The following RARB variants were observed in gnomAD, a reference collection of about 807,000 sequenced individuals.
The protein encoded by RARB is HBV-activated protein.
A neutral mutation model predicts 51.9 loss-of-function variants in RARB; 17 were observed. That is an observed-to-expected ratio of 0.33 (90% confidence interval 0.22 to 0.49). The LOEUF (loss-of-function observed/expected upper bound fraction) is 0.49, where lower values mean the gene tolerates loss of function less well. Ranked by LOEUF, RARB falls within the 20% of genes least tolerant of loss-of-function variation. RARB has a pLI of 0.99. For synonymous variants in RARB, 215 were observed against 195.4 expected (o/e 1.10, Z -0.84); for missense variants, 369 against 550.8 (o/e 0.67, Z 3.30).
In RARB at chr3:24,937,061, T is replaced by A. The variant is rs182707815; in HGVS notation, c.-380+78309T>A. 2.0e-5 allele frequency among the ~76,000 whole-genome samples: 3 copies of A among 152,318 alleles called. No homozygotes were observed. In the East Asian group the frequency reaches 5.8e-4, roughly 29 times the overall value. Reference sequence around the variant, plus strand: ...TTTGTGACTATTGTCTGTAAAAGAATGTAACATTCATCTTTTTGTGTAATT... The same window carrying A: ...TTTGTGACTATTGTCTGTAAAAGAAAGTAACATTCATCTTTTTGTGTAATT... On this transcript the variant is annotated intron_variant, in intron 2 of 11. Transcript: ENST00000383772.
chr3:25,227,735 A>T (rs1177831827), intron 5 of RARB, among the ~76,000 whole-genome samples: 1 of 152,144 alleles, frequency 6.6e-6, no homozygotes, highest in Non-Finnish European at 1.5e-5. Context: ...AGTCTCTGCT[A>T]TATTTACATG....
intron 5 of RARB, among the ~76,000 whole-genome samples, chr3:25,238,153 C>A (rs1016726281): frequency 2.3e-4 from 35 of 152,022 alleles, no homozygotes; most frequent in African/African-American, 7.0e-4. Context: ...CTCCAGCGCC[C>A]CCCCACACAT....
At chr3:25,055,875 C>T (rs1054078401) in intron 2 of RARB, among the ~76,000 whole-genome samples, 1 of 152,074 alleles carries the variant, frequency 6.6e-6, no homozygotes, top group African/African-American at 2.4e-5. Flanking sequence ...AGTGAAAGTA[C>T]ATGGGGAGCT....
At chr3:25,045,158 A>C (rs1698187723) in intron 2 of RARB, among the ~76,000 whole-genome samples, 1 of 152,204 alleles carries the variant, frequency 6.6e-6, no homozygotes, top group South Asian at 2.1e-4. Context: ...TGGAATAGCA[A>C]AAGTACAGTG....
chr3:25,227,042 C>T (rs1444264333), intron 5 of RARB, among the ~76,000 whole-genome samples: 1 of 152,200 alleles, frequency 6.6e-6, no homozygotes, highest in Non-Finnish European at 1.5e-5. Flanking sequence ...GAGTTGTAGT[C>T]CACTATTCCA....
At chr3:24,935,888 C>A (rs1320273792) in intron 2 of RARB, among the ~76,000 whole-genome samples, 3 of 152,104 alleles carry the variant, frequency 2.0e-5, no homozygotes, top group Non-Finnish European at 1.5e-5. Context: ...ATTGTTTCTA[C>A]TCATTTTTAA....
chr3:25,251,616 G>A (rs1434241757), intron 5 of RARB, among the ~76,000 whole-genome samples: 1 of 152,120 alleles, frequency 6.6e-6, no homozygotes, highest in East Asian at 1.9e-4. Flanking sequence ...GACTAATGAT[G>A]TTGGACAGGT....
chr3:25,268,920 G>C (rs1328056497), intron 5 of RARB, among the ~76,000 whole-genome samples: 1 of 152,084 alleles, frequency 6.6e-6, no homozygotes, highest in East Asian at 1.9e-4. Flanking sequence ...TAACCCATTA[G>C]AGCAGAGATT....
intron 5 of RARB, among the ~76,000 whole-genome samples, chr3:25,254,426 A>G (rs1310035630): frequency 6.6e-6 from 1 of 152,188 alleles, no homozygotes; most frequent in Middle Eastern, 3.2e-3. Context: ...CTAGAGCCTC[A>G]TCATCTCTAA....
chr3:25,497,471 C>T lies in RARB; in HGVS notation c.307-3711C>T, dbSNP rs371771376. The stretch of plus-strand genomic sequence containing the variant: ...CTCTTCTTTCGCCAATTTCTTTGCC[C>T]GCAGAAACTCCCCAAGTCTCACTCT... On this transcript the variant is annotated intron_variant, in intron 2 of 7. Transcript: ENST00000330688. Among the ~76,000 whole-genome samples the T allele has an allele frequency of 1.5e-3, 224 of 152,252 alleles. 1 individual carries two copies. The highest frequency in any genetic ancestry group is 5.0e-3 in the African/African-American group (209 of 41,538).
chr3:24,833,167 T>C (rs1325641948), intron 1 of RARB: 3 of 152,326 alleles, frequency 2.0e-5, no homozygotes, highest in Non-Finnish European at 4.4e-5. Flanking sequence ...ATCTGCACTC[T>C]TACTCAACTT....
intron 5 of RARB, among the ~76,000 whole-genome samples, chr3:25,304,708 T>G (rs966470157): frequency 2.6e-5 from 4 of 152,192 alleles, no homozygotes; most frequent in African/African-American, 9.6e-5. Flanking sequence ...TTAATTAGTT[T>G]CCTTGCTCCC....
At chr3:25,146,175 A>C (rs1312050210) in intron 4 of RARB, among the ~76,000 whole-genome samples, 3 of 152,194 alleles carry the variant, frequency 2.0e-5, no homozygotes, top group Non-Finnish European at 4.4e-5. Context: ...AATGAAGATT[A>C]AGGAGCTAAT....
chr3:24,979,673 A>T (rs1696600613), intron 2 of RARB, among the ~76,000 whole-genome samples: 1 of 151,518 alleles, frequency 6.6e-6, no homozygotes, highest in Non-Finnish European at 1.5e-5. Flanking sequence ...GTGTCTTTGC[A>T]TGTGAGATGG....
intron 2 of RARB, among the ~76,000 whole-genome samples, chr3:25,018,095 C>T (rs1367298684): frequency 6.6e-6 from 1 of 152,158 alleles, no homozygotes; most frequent in Non-Finnish European, 1.5e-5. Flanking sequence ...TTTGTTATTG[C>T]AACCCAAACA....
intron 4 of RARB, among the ~76,000 whole-genome samples, chr3:25,164,716 T>C (rs372610316): frequency 6.6e-6 from 1 of 152,226 alleles, no homozygotes; most frequent in South Asian, 2.1e-4. Context: ...TTTTCTTTTA[T>C]AAAATGAATA....
At chr3:25,535,374 G>A (rs1992005) in intron 3 of RARB, among the ~76,000 whole-genome samples, 13,898 of 151,198 alleles carry the variant, frequency 0.092, 708 homozygotes, top group Admixed American at 0.14. Context: ...ATGGGACATC[G>A]GGCAAATAAC....
intron 3 of RARB, among the ~76,000 whole-genome samples, chr3:25,103,048 C>G (rs1295633326): frequency 2.0e-5 from 3 of 152,080 alleles, no homozygotes; most frequent in Non-Finnish European, 4.4e-5. Flanking sequence ...GAGGACTCCT[C>G]TAGGATTGGT....
chr3:25,484,554 T>A (rs1696374241), intron 2 of RARB, among the ~76,000 whole-genome samples: 1 of 151,974 alleles, frequency 6.6e-6, no homozygotes, highest in South Asian at 2.1e-4. Flanking sequence ...AGCTAAGAAT[T>A]TTTTTTTACA....
Sources: gnomAD v4.1 joint callset for allele counts (sites outside exome capture counted in the v4.1 genomes callset) on GRCh38, gnomAD v4.1.1 for gene constraint, MANE v1.5 for transcripts, NCBI Gene and HGNC (gene_info 2026-07-23, HGNC 2026-07-21) for gene names.